RIPOR3: variants seen among roughly 807,000 people sequenced by gnomAD.
RIPOR3 encodes the protein family with sequence similarity 65 member C.
A neutral mutation model predicts 114.3 loss-of-function variants in RIPOR3; 95 were observed. The ratio of observed to expected loss-of-function variants is 0.83; its 90% CI spans 0.70 to 0.99. RIPOR3 has a LOEUF of 0.99. Ranked by LOEUF, RIPOR3 falls within the 50% of genes least tolerant of loss-of-function variation. The pLI, the probability that RIPOR3 is intolerant of heterozygous loss-of-function variation, is 0.00. For missense variants in RIPOR3, 1,252 were observed against 1,266.9 expected, an observed-to-expected ratio of 0.99 and a Z score of 0.18; for synonymous variants, 575 against 543.8, an observed-to-expected ratio of 1.06 and a Z score of -0.80.
chr20:50,637,399 C>T (rs2085025523), intron 1 of RIPOR3, among the ~76,000 whole-genome samples: 1 of 152,110 alleles, frequency 6.6e-6, no homozygotes. Context: ...ACAACCAAGG[C>T]CACCTCCTCA....
At chr20:50,626,075 T>G (rs760571326) in intron 2 of RIPOR3, among the ~76,000 whole-genome samples, 8 of 152,188 alleles carry the variant, frequency 5.3e-5, no homozygotes, top group Non-Finnish European at 1.0e-4. Context: ...GCCTTGACAG[T>G]GCGGCTGCGC....
At chr20:50,616,599 C>A (rs6020637) in intron 3 of RIPOR3, among the ~76,000 whole-genome samples, 3,020 of 152,228 alleles carry the variant, frequency 0.02, 101 homozygotes, top group African/African-American at 0.07. Context: ...CTGCCTTGGC[C>A]TCCGAAAGTG....
chr20:50,642,497 G>A (rs1233535174), intron 1 of RIPOR3, among the ~76,000 whole-genome samples: 1 of 151,856 alleles, frequency 6.6e-6, no homozygotes, highest in African/African-American at 2.4e-5. Context: ...CTAAGATTAA[G>A]TTGCTAATCT....
chr20:50,609,395 G>C (rs762198977), intron 7 of RIPOR3, 39 bp from the exon 8 acceptor site: 1 of 1,604,742 alleles, frequency 6.2e-7, no homozygotes, highest in Admixed American at 1.7e-5. Flanking sequence ...GCTGCCTGGG[G>C]CTAGGCCACG....
chr20:50,690,337 C>G (rs970188472), intron 1 of RIPOR3, among the ~76,000 whole-genome samples: 2 of 152,202 alleles, frequency 1.3e-5, no homozygotes, highest in Non-Finnish European at 2.9e-5. Flanking sequence ...CCCCAGGAGC[C>G]TCCTACGACA....
rs777636468 is a variant in RIPOR3, at chr20:50,620,130, T to C, written c.125A>G (p.Lys42Arg). Reference protein sequence around the residue: ...FSSAQSRRIAKSINRNSVRSR... With the variant: ...FSSAQSRRIARSINRNSVRSR... Reference sequence around the variant, plus strand: ...TCTCACGGAGTTCCTGTTGATGGACTTTCTGTGAGAAGGGTTGGAGGGCAA... The same window carrying C: ...TCTCACGGAGTTCCTGTTGATGGACCTTCTGTGAGAAGGGTTGGAGGGCAA... The change falls in exon 3 of 22, where the codon AAG becomes AGG. Residue 42 changes from lysine (K) to arginine (R), a missense_variant and splice_region_variant. Lys to Arg is a conservative substitution (Grantham distance 26, BLOSUM62 2). Coordinates refer to ENST00000327979, the MANE Select transcript of RIPOR3 (RefSeq NM_001290268.2). 6.2e-7 allele frequency: 1 copy of C among 1,613,728 alleles called. No individual in the cohort carries two copies. The highest frequency in any genetic ancestry group is 1.7e-5 in the Admixed American group (1 of 60,004).
rs1568808108 is a variant in RIPOR3 at position 50,587,882 on chromosome 20, C to CT, written c.2671dup (p.Ser891LysfsTer12). 1.2e-6 allele frequency: 2 copies of CT among 1,614,142 alleles called. No individual in the cohort carries two copies. On this transcript the variant is annotated frameshift_variant, in exon 21 of 22. Transcript: ENST00000327979. LOFTEE classifies it high-confidence loss of function. ...GCACAGGCTGGCAGTCTGGTCGATG[C>CT]TTTCAATGCCCTGTTCGAGATTAGG...
At chr20:50,679,314 A>C (rs1436226852) in intron 1 of RIPOR3, among the ~76,000 whole-genome samples, 2 of 150,702 alleles carry the variant, frequency 1.3e-5, no homozygotes, top group African/African-American at 4.9e-5. Context: ...AGGCACCAAG[A>C]AGTGAAGTTT....
At chr20:50,666,219 T>TCTCTTCTCTTCTCTTCTC (rs2086225883) in intron 1 of RIPOR3, among the ~76,000 whole-genome samples, 1 of 119,678 alleles carries the variant, frequency 8.4e-6, no homozygotes, top group African/African-American at 3.6e-5. Context: ...TTTCTTTTCT[T>TCTCTTCTCTTCTCTTCTC]TTCTTTTTTG....
rs374386712 is a variant in RIPOR3 at position 50,607,991 on chromosome 20, C to T, written c.956+398G>A. 1.4e-4 allele frequency among the ~76,000 whole-genome samples: 21 copies of T among 152,164 alleles called. No homozygotes were observed. In the East Asian group the frequency reaches 3.1e-3, roughly 22 times the overall value. On this transcript the variant is annotated intron_variant, in intron 11 of 21. Coordinates refer to ENST00000327979, the MANE Select transcript of RIPOR3 (RefSeq NM_001290268.2). ...CATGGGTCTGCAGCCGAGAGGGGGA[C>T]GCAGGTGACCGCTCAGCCCCAGGCC...
intron 11 of RIPOR3, among the ~76,000 whole-genome samples, chr20:50,606,196 ACT>A (rs1173150371): frequency 1.3e-5 from 2 of 152,056 alleles, no homozygotes; most frequent in African/African-American, 4.8e-5. Context: ...ACAGAGCGAG[ACT>A]CTGTCTCAAA....
intron 1 of RIPOR3, among the ~76,000 whole-genome samples, chr20:50,674,790 A>G (rs181514711): frequency 6.6e-6 from 1 of 151,672 alleles, no homozygotes; most frequent in Non-Finnish European, 1.5e-5. Context: ...GTCTCTAAAA[A>G]AGAAACTAAA....
Position 50,609,619 on chromosome 20 carries a change from C to CGGGCTGCGCGGCTCGGG in RIPOR3, c.513_529dup (p.Arg177ProfsTer42). 4 of 1,409,290 alleles carry CGGGCTGCGCGGCTCGGG rather than the reference C, an allele frequency of 2.8e-6. No homozygotes were observed. The highest frequency in any genetic ancestry group is 2.8e-6 in the Non-Finnish European group (3 of 1,085,998). 87.3% of individuals were successfully genotyped at this position (1,409,290 alleles called of 1,614,324 possible). Reference sequence around the variant, plus strand: ...GCGGCCCAGCTCCTGCAGGCTCTCTCGGGCTGCGCGGCTCGGGGGGCACCG... The same window carrying CGGGCTGCGCGGCTCGGG: ...GCGGCCCAGCTCCTGCAGGCTCTCTCGGGCTGCGCGGCTCGGGGGGCTGCGCGGCTCGGGGGGCACCG... On this transcript the variant is annotated frameshift_variant, in exon 7 of 22. Transcript: ENST00000327979. LOFTEE classifies it high-confidence loss of function.
Position 50,598,406 on chromosome 20 carries a change from C to T in RIPOR3, c.1660-696G>A, listed in dbSNP as rs895692624. ...CTGGGGCTGGTTCCTGCCCCCGTTC[C>T]CAGCACACCCCACCCAGGCCTTGTG... On this transcript the variant is annotated intron_variant, in intron 13 of 21. Coordinates refer to ENST00000327979, the MANE Select transcript of RIPOR3 (RefSeq NM_001290268.2). 2.0e-4 allele frequency among the ~76,000 whole-genome samples: 31 copies of T among 151,964 alleles called. 1 individual carries two copies. The highest frequency in any genetic ancestry group is 7.2e-4 in the African/African-American group (30 of 41,384).
chr20:50,587,963 C>T, intron 20 of RIPOR3, 71 bp from the exon 21 acceptor site: 2 of 1,420,098 alleles, frequency 1.4e-6, no homozygotes, highest in Non-Finnish European at 2.0e-6. Flanking sequence ...CACTTAGTGG[C>T]CCTGCAGGGC....
intron 1 of RIPOR3, among the ~76,000 whole-genome samples, chr20:50,663,747 T>A (rs375592224): frequency 1.3e-3 from 201 of 152,186 alleles, no homozygotes; most frequent in African/African-American, 4.7e-3. Flanking sequence ...CTTTCTGGCT[T>A]CCCTAGATTG....
At chr20:50,615,180 A>T (rs1189033389) in intron 4 of RIPOR3, among the ~76,000 whole-genome samples, 1 of 145,372 alleles carries the variant, frequency 6.9e-6, no homozygotes, top group East Asian at 2.1e-4. Context: ...GAGAGGCAAA[A>T]AACCAGAGCA....
chr20:50,648,148 C>T (rs1213865578), intron 1 of RIPOR3, among the ~76,000 whole-genome samples: 1 of 151,752 alleles, frequency 6.6e-6, no homozygotes, highest in African/African-American at 2.4e-5. Flanking sequence ...TGTTGGTGGG[C>T]ACCTGTAATC....
At position 50,602,454 on chromosome 20, in the gene RIPOR3, G is replaced by A. The variant is rs756771961; in HGVS notation, c.1277C>T (p.Thr426Ile). The change falls in exon 13 of 22, where the codon ACC becomes ATC. Residue 426 changes from threonine to isoleucine, a missense_variant. Thr to Ile is a moderately conservative substitution (Grantham distance 89). Transcript: ENST00000327979. The surrounding 1 kb of genome is among the most constrained non-coding windows in gnomAD (Gnocchi z 4.3). ...RDTETSTSAS[T>I]SDVGFLPLTF... ...CAAGGGCAGGAAGCCCACATCTGAG[G>A]TGGACGCCGACGTGCTGGTCTCCGT... is the stretch of plus-strand genomic sequence containing the variant. 6.3e-7 allele frequency: 1 copy of A among 1,577,710 alleles called. No homozygotes were observed. The highest frequency in any genetic ancestry group is 8.6e-7 in the Non-Finnish European group (1 of 1,159,266).
Sources: allele counts gnomAD v4.1 joint callset (sites outside exome capture counted in the v4.1 genomes callset), GRCh38; gene constraint gnomAD v4.1.1; non-coding constraint Gnocchi (gnomAD v3.1); transcripts MANE v1.5; gene names NCBI Gene and HGNC (gene_info 2026-07-23, HGNC 2026-07-21).